Variants in RSRC1 observed in about 807,000 individuals in gnomAD.
RSRC1 encodes the protein arginine and serine rich coiled-coil 1.
RSRC1 carries 39 observed loss-of-function variants against 49.1 expected under a neutral mutation model. That is an observed-to-expected ratio of 0.79 (90% CI 0.61 to 1.04). The LOEUF is 1.04. Ranked by LOEUF, RSRC1 falls within the 50% of genes least tolerant of loss-of-function variation. The pLI, the probability that RSRC1 is intolerant of heterozygous loss-of-function variation, is 0.00. For synonymous variants in RSRC1, 143 were observed against 130.8 expected (o/e 1.09, Z -0.63); for missense variants, 388 against 402.4 (o/e 0.96, Z 0.31).
chr3:158,250,790 TCTTTA>T (rs1724166306), intron 4 of RSRC1, among the ~76,000 whole-genome samples: 1 of 152,216 alleles, frequency 6.6e-6, no homozygotes, highest in South Asian at 2.1e-4. Context: ...TTGGGATGTC[TCTTTA>T]CTTTGTTGAT....
chr3:158,288,647 C>T (rs73166383), intron 4 of RSRC1, among the ~76,000 whole-genome samples: 1 of 152,008 alleles, frequency 6.6e-6, no homozygotes, highest in East Asian at 1.9e-4. Flanking sequence ...ATACCAAAGT[C>T]TATGGATTCT....
chr3:158,531,487 A>C (rs996156064), intron 7 of RSRC1, among the ~76,000 whole-genome samples: 1 of 151,992 alleles, frequency 6.6e-6, no homozygotes, highest in Non-Finnish European at 1.5e-5. Context: ...AATCTGATAT[A>C]GTAAGCAGTT....
At chr3:158,238,560 C>T (rs576582777) in intron 4 of RSRC1, among the ~76,000 whole-genome samples, 24 of 152,160 alleles carry the variant, frequency 1.6e-4, no homozygotes, top group Non-Finnish European at 3.1e-4. Flanking sequence ...AGAAATAACA[C>T]CACATATTTA....
At chr3:158,495,758 G>A (rs55765541) in intron 7 of RSRC1, among the ~76,000 whole-genome samples, 31,190 of 152,098 alleles carry the variant, frequency 0.21, 3,736 homozygotes, top group South Asian at 0.3. Flanking sequence ...ATAAAGTACT[G>A]TTGAAATAAA....
chr3:158,260,251 T>C (rs1335317153), intron 4 of RSRC1, among the ~76,000 whole-genome samples: 1 of 152,150 alleles, frequency 6.6e-6, no homozygotes, highest in Non-Finnish European at 1.5e-5. Flanking sequence ...TATTCAGGGC[T>C]CAAAGGCTCT....
chr3:158,318,898 T>C (rs185874107), intron 5 of RSRC1, among the ~76,000 whole-genome samples: 32 of 152,250 alleles, frequency 2.1e-4, no homozygotes, highest in African/African-American at 7.5e-4. Flanking sequence ...TCTCTTTTCC[T>C]AGGACACATA....
chr3:158,254,842 G>A (rs1724440802), intron 4 of RSRC1, among the ~76,000 whole-genome samples: 1 of 152,126 alleles, frequency 6.6e-6, no homozygotes, highest in Non-Finnish European at 1.5e-5. Context: ...TTTTTCATGT[G>A]TCTGTTGGCT....
chr3:158,337,391 C>T (rs1010699668), intron 5 of RSRC1, among the ~76,000 whole-genome samples: 1 of 152,318 alleles, frequency 6.6e-6, no homozygotes, highest in Non-Finnish European at 1.5e-5. Context: ...GAGTCTCAGA[C>T]TAAGTAACAG....
chr3:158,315,084 G>A (rs1456667202), intron 5 of RSRC1, among the ~76,000 whole-genome samples: 2 of 151,808 alleles, frequency 1.3e-5, no homozygotes, highest in African/African-American at 4.8e-5. Context: ...CTCTGATACT[G>A]TGTCAAAATG....
At chr3:158,405,048 A>G (rs1432965163) in intron 6 of RSRC1, among the ~76,000 whole-genome samples, 3 of 152,048 alleles carry the variant, frequency 2.0e-5, no homozygotes, top group Non-Finnish European at 1.5e-5. Flanking sequence ...AAAATGTCTG[A>G]ACTTAAAGCT....
chr3:158,515,637 C>T (rs370388796), intron 7 of RSRC1, among the ~76,000 whole-genome samples: 11 of 136,952 alleles, frequency 8.0e-5, no homozygotes, highest in Admixed American at 6.7e-4. Context: ...TGAATCTGAA[C>T]GTTGGCCTGC....
intron 3 of RSRC1, among the ~76,000 whole-genome samples, chr3:158,125,495 G>A (rs927559206): frequency 6.6e-6 from 1 of 152,098 alleles, no homozygotes; most frequent in African/African-American, 2.4e-5. Context: ...GTTCAAGAGT[G>A]TGTAGTTTAA....
intron 6 of RSRC1, among the ~76,000 whole-genome samples, chr3:158,438,018 C>G (rs944122560): frequency 1.3e-5 from 2 of 152,100 alleles, no homozygotes; most frequent in African/African-American, 2.4e-5. Flanking sequence ...TTCCTATACA[C>G]CAGTAACAGA....
intron 4 of RSRC1, among the ~76,000 whole-genome samples, chr3:158,242,032 C>CTTTTTTTTTTTTTTTTTTTTT (rs34356543): frequency 1.5e-5 from 1 of 66,616 alleles, no homozygotes; most frequent in African/African-American, 6.5e-5. Context: ...AATTTCCAAC[C>CTTTTTTTTTTTTTTTTTTTTT]TTTTTTTTTT....
intron 3 of RSRC1, among the ~76,000 whole-genome samples, chr3:158,198,907 A>G (rs1327090483): frequency 6.6e-6 from 1 of 152,200 alleles, no homozygotes; most frequent in Non-Finnish European, 1.5e-5. Flanking sequence ...ATGGACAAGG[A>G]CAAATATTAC....
intron 7 of RSRC1, among the ~76,000 whole-genome samples, chr3:158,468,158 C>T (rs895237007): frequency 9.2e-5 from 14 of 152,176 alleles, no homozygotes; most frequent in Non-Finnish European, 1.5e-5. Context: ...TGGTCTCGAT[C>T]TCCTGACCTC....
At chr3:158,418,096 A>G (rs73874400) in intron 6 of RSRC1, among the ~76,000 whole-genome samples, 11,150 of 152,052 alleles carry the variant, frequency 0.073, 483 homozygotes, top group South Asian at 0.13. Flanking sequence ...CACAAGTGTT[A>G]TCTTTTGTGG....
chr3:158,136,734 T>TC (rs1442263906), intron 3 of RSRC1: 1 of 152,200 alleles, frequency 6.6e-6, no homozygotes, highest in Non-Finnish European at 1.5e-5. Context: ...TTTTTTCCTT[T>TC]CCCCCTCCAG....
At chr3:158,222,411 T>TA (rs1371184244) in intron 4 of RSRC1, among the ~76,000 whole-genome samples, 1 of 151,580 alleles carries the variant, frequency 6.6e-6, no homozygotes, top group Non-Finnish European at 1.5e-5. Flanking sequence ...TAGGTGTTTT[T>TA]ACCACAAAAA....
Sources: allele counts gnomAD v4.1 joint callset (sites outside exome capture counted in the v4.1 genomes callset), GRCh38; gene constraint gnomAD v4.1.1; transcripts MANE v1.5; gene names NCBI Gene and HGNC (gene_info 2026-07-23, HGNC 2026-07-21).